The following AKAP7 variants were observed in gnomAD, a reference collection of about 807,000 sequenced individuals.
The protein encoded by AKAP7 is A-kinase anchoring protein 7.
A neutral mutation model predicts 39.5 loss-of-function variants in AKAP7; 39 were observed. The ratio of observed to expected loss-of-function variants is 0.99; its 90% CI spans 0.76 to 1.29. The LOEUF (loss-of-function observed/expected upper bound fraction) is 1.29. AKAP7 is among the 50% of genes most tolerant of loss of function. AKAP7 has a pLI of 0.00. For missense variants in AKAP7, 414 were observed against 407.7 expected (o/e 1.02, Z -0.13); for synonymous variants, 140 against 139.1 (o/e 1.01, Z -0.05).
intron 7 of AKAP7, among the ~76,000 whole-genome samples, chr6:131,263,670 G>A (rs3777487): frequency 0.13 from 20,131 of 152,126 alleles, 1,456 homozygotes; most frequent in Non-Finnish European, 0.15. Flanking sequence ...TGGTAGCTCT[G>A]GATCAACAGC....
chr6:131,175,926 A>T lies in AKAP7; in HGVS notation c.589+6653A>T, dbSNP rs142040211. On this transcript the variant is annotated intron_variant, in intron 5 of 7. Transcript: ENST00000431975. ...CATCAAACATAGCATAAAAATACAC[A>T]GGTTTACATGTTTATTTGGGTCATT... 4.5e-3 allele frequency among the ~76,000 whole-genome samples: 682 copies of T among 152,268 alleles called. 4 individuals carry two copies. Among genetic ancestry groups the T allele is most frequent in the African/African-American group, 0.016 (653 of 41,538 alleles).
chr6:131,217,714 A>G (rs1020031621), intron 6 of AKAP7, among the ~76,000 whole-genome samples: 2 of 152,268 alleles, frequency 1.3e-5, no homozygotes, highest in African/African-American at 4.8e-5. Context: ...TAATAAGCCT[A>G]GAAGATTAGA....
At chr6:131,166,902 T>C (rs942925048) in intron 4 of AKAP7, among the ~76,000 whole-genome samples, 2 of 152,210 alleles carry the variant, frequency 1.3e-5, no homozygotes, top group Non-Finnish European at 2.9e-5. Flanking sequence ...CAAGTTTTAG[T>C]TGTTTAATAG....
At chr6:131,241,627 G>GTGTGTGTGTA in intron 7 of AKAP7, among the ~76,000 whole-genome samples, 4 of 86,638 alleles carry the variant, frequency 4.6e-5, no homozygotes, top group African/African-American at 1.5e-4. Context: ...GTGTGTGTGT[G>GTGTGTGTGTA]TATATATATA....
At chr6:131,277,924 T>C (rs1006860627) in intron 7 of AKAP7, among the ~76,000 whole-genome samples, 1 of 152,244 alleles carries the variant, frequency 6.6e-6, no homozygotes, top group Non-Finnish European at 1.5e-5. Flanking sequence ...TTTGTCTTAC[T>C]GACCAGGTTC....
In AKAP7 at chr6:131,281,416, A is replaced by T; in HGVS notation, c.851-114A>T. ...AAGCCAACCCACTGTTCTTGAATTT[A>T]TAGATCCAATTTACACTTGCTCTTT... On this transcript the variant is annotated intron_variant, in intron 7 of 7. Coordinates refer to ENST00000431975, the MANE Select transcript of AKAP7 (RefSeq NM_016377.4). This position sits in a 1 kb window ranked among gnomAD's most constrained non-coding sequence, Gnocchi z 4.0. 1 of 798,218 alleles carries T rather than the reference A, an allele frequency of 1.3e-6. No individual in the cohort carries two copies. The highest frequency in any genetic ancestry group is 1.9e-6 in the Non-Finnish European group (1 of 537,444). 49.4% of individuals were successfully genotyped at this position (798,218 alleles called of 1,614,324 possible).
intron 1 of AKAP7, among the ~76,000 whole-genome samples, chr6:131,143,356 C>T (rs1422005589): frequency 1.3e-5 from 2 of 152,090 alleles, no homozygotes; most frequent in Non-Finnish European, 2.9e-5. Flanking sequence ...GCCCTCCCTG[C>T]AGTAATGAGT....
chr6:131,274,686 T>A (rs1814593847), intron 7 of AKAP7, among the ~76,000 whole-genome samples: 1 of 152,078 alleles, frequency 6.6e-6, no homozygotes, highest in Non-Finnish European at 1.5e-5. Context: ...GGTACATAGG[T>A]CCCTTTATCC....
At chr6:131,136,382 A>G (rs573566144) in intron 1 of AKAP7, among the ~76,000 whole-genome samples, 1 of 152,318 alleles carries the variant, frequency 6.6e-6, no homozygotes, top group South Asian at 2.1e-4. Context: ...CCAATTAGAG[A>G]AAAGGTGCTC....
At chr6:131,177,056 ATC>A (rs989502001) in intron 5 of AKAP7, among the ~76,000 whole-genome samples, 1 of 151,768 alleles carries the variant, frequency 6.6e-6, no homozygotes, top group African/African-American at 2.4e-5. Context: ...CTCCTTTCTC[ATC>A]TCTCTCTTAA....
chr6:131,132,386 A>G (rs1020071366), upstream of AKAP7, among the ~76,000 whole-genome samples: 1 of 151,896 alleles, frequency 6.6e-6, no homozygotes, highest in Non-Finnish European at 1.5e-5. Context: ...AGGTTGCCCA[A>G]TGCTTTAACG....
Position 131,188,717 on chromosome 6 carries a change from CT to C in AKAP7, c.590-10728del, listed in dbSNP as rs201808987. Among the ~76,000 whole-genome samples the C allele has an allele frequency of 0.015, 2,111 of 138,178 alleles. 107 individuals are homozygous for C. In the East Asian group the frequency reaches 0.17, roughly 11 times the overall value. 90.7% of individuals were successfully genotyped at this position (138,178 alleles called of 152,430 possible). On this transcript the variant is annotated intron_variant, in intron 5 of 7. Transcript: ENST00000431975. Reference sequence around the variant, plus strand: ...TCACACCTGGCTGATTTTTGTACTTCTTTTTTTTTTTTTTTTGTAGAGACAG... The same window carrying C: ...TCACACCTGGCTGATTTTTGTACTTCTTTTTTTTTTTTTTTGTAGAGACAG...
At chr6:131,160,996 A>AT (rs5880051) in intron 3 of AKAP7, among the ~76,000 whole-genome samples, 125,032 of 152,004 alleles carry the variant, frequency 0.82, 51,782 homozygotes, top group East Asian at 0.95. Flanking sequence ...CTTTGGCCCA[A>AT]TTACGAGCCA....
At chr6:131,139,263 C>T (rs542975173) in intron 1 of AKAP7, among the ~76,000 whole-genome samples, 1 of 152,134 alleles carries the variant, frequency 6.6e-6, no homozygotes, top group Non-Finnish European at 1.5e-5. Context: ...GAAAGTGGCA[C>T]TCCTTTTTTT....
intron 1 of AKAP7, among the ~76,000 whole-genome samples, chr6:131,140,913 G>T (rs1447110277): frequency 6.6e-6 from 1 of 152,050 alleles, no homozygotes. Flanking sequence ...ACTTGTTCTC[G>T]CATTTTTCAC....
chr6:131,184,681 C>G (rs1428556307), intron 5 of AKAP7: 1 of 777,538 alleles, frequency 1.3e-6, no homozygotes, highest in Non-Finnish European at 2.4e-6. Flanking sequence ...GCAGAAGTTA[C>G]AGTAGTTGTT....
chr6:131,189,176 C>T (rs1054077244), intron 5 of AKAP7, among the ~76,000 whole-genome samples: 4 of 152,322 alleles, frequency 2.6e-5, no homozygotes, highest in Non-Finnish European at 5.9e-5. Flanking sequence ...GAATATCATA[C>T]TGCATATTGC....
intron 5 of AKAP7, among the ~76,000 whole-genome samples, chr6:131,181,470 A>G (rs887147950): frequency 6.6e-6 from 1 of 152,198 alleles, no homozygotes; most frequent in African/African-American, 2.4e-5. Context: ...TTCTACTGCA[A>G]TAGTCTCCTG....
intron 7 of AKAP7, among the ~76,000 whole-genome samples, chr6:131,261,492 TA>T (rs1004422225): frequency 1.3e-5 from 2 of 152,002 alleles, no homozygotes; most frequent in Non-Finnish European, 2.9e-5. Flanking sequence ...TAATTTTCTC[TA>T]AAATTAGTTT....
Sources: gnomAD v4.1 joint callset for allele counts (sites outside exome capture counted in the v4.1 genomes callset) on GRCh38, gnomAD v4.1.1 for gene constraint, Gnocchi (gnomAD v3.1) non-coding constraint, MANE v1.5 for transcripts, NCBI Gene and HGNC (gene_info 2026-07-23, HGNC 2026-07-21) for gene names.